NAALADL2: variants seen among roughly 807,000 people sequenced by gnomAD.
NAALADL2 encodes N-acetylated alpha-linked acidic dipeptidase like 2.
In NAALADL2, 76 loss-of-function variants were observed where a neutral mutation model predicts 87.2. That is an observed-to-expected ratio of 0.87 (90% CI 0.72 to 1.05). The LOEUF is 1.05. Among genes scored for constraint, NAALADL2 ranks in the 50% least tolerant of loss-of-function variants. The probability of loss-of-function intolerance (pLI) is 0.00; values close to 1 mark genes in which losing one functional copy is unlikely to be tolerated. For synonymous variants in NAALADL2, 354 were observed against 331.0 expected, an observed-to-expected ratio of 1.07 and a Z score of -0.75; for missense variants, 1,089 against 945.8, an observed-to-expected ratio of 1.15 and a Z score of -1.99.
At chr3:174,879,909 G>C (rs1478468461) in intron 1 of NAALADL2, among the ~76,000 whole-genome samples, 1 of 151,886 alleles carries the variant, frequency 6.6e-6, no homozygotes, top group Non-Finnish European at 1.5e-5. Flanking sequence ...CTTGATCTAT[G>C]AGCAACACTT....
chr3:174,533,496 G>A (rs1304685639), intron 1 of NAALADL2, among the ~76,000 whole-genome samples: 1 of 152,022 alleles, frequency 6.6e-6, no homozygotes, highest in Non-Finnish European at 1.5e-5. Flanking sequence ...CATCCAGCAA[G>A]GGTAGTCTAG....
intron 2 of NAALADL2, among the ~76,000 whole-genome samples, chr3:175,233,468 G>A (rs971635154): frequency 6.6e-6 from 1 of 152,076 alleles, no homozygotes; most frequent in Non-Finnish European, 1.5e-5. Flanking sequence ...TTTGGAGAGA[G>A]TCTCACTCTG....
At chr3:174,656,982 T>TCTCCCTC (rs1553810620) in intron 2 of NAALADL2, among the ~76,000 whole-genome samples, 1 of 151,368 alleles carries the variant, frequency 6.6e-6, no homozygotes, top group Non-Finnish European at 1.5e-5. Flanking sequence ...GGGCTTCCCT[T>TCTCCCTC]CTCCCTCCCT....
intron 9 of NAALADL2, among the ~76,000 whole-genome samples, chr3:175,495,095 T>A (rs1008879222): frequency 1.8e-3 from 242 of 138,204 alleles, no homozygotes; most frequent in South Asian, 4.3e-3. Flanking sequence ...TATATATATT[T>A]TTTTTTAATT....
intron 4 of NAALADL2, among the ~76,000 whole-genome samples, chr3:175,267,932 A>G (rs1335770723): frequency 1.3e-5 from 2 of 152,184 alleles, no homozygotes; most frequent in African/African-American, 2.4e-5. Context: ...TGTTGTCTTC[A>G]TATCACCTAG....
chr3:175,025,546 C>T (rs566997949), intron 1 of NAALADL2, among the ~76,000 whole-genome samples: 8 of 152,168 alleles, frequency 5.3e-5, no homozygotes, highest in African/African-American at 1.2e-4. Context: ...ATTTTGGCAA[C>T]GGCTATTGTT....
chr3:174,604,621 C>G (rs551327130), intron 2 of NAALADL2, among the ~76,000 whole-genome samples: 10 of 129,794 alleles, frequency 7.7e-5, no homozygotes, highest in African/African-American at 2.3e-4. Context: ...TATTCATTTT[C>G]TGTTGTGTGT....
intron 10 of NAALADL2, among the ~76,000 whole-genome samples, chr3:175,593,086 T>C (rs954629229): frequency 5.9e-5 from 9 of 151,898 alleles, no homozygotes; most frequent in Admixed American, 5.3e-4. Flanking sequence ...ACCATGATGG[T>C]TTGCTGCACC....
chr3:174,775,861 G>A (rs1378966636), intron 3 of NAALADL2, among the ~76,000 whole-genome samples: 2 of 152,128 alleles, frequency 1.3e-5, no homozygotes, highest in Non-Finnish European at 2.9e-5. Context: ...CTTGCAGCTG[G>A]ACACGAAGTC....
intron 5 of NAALADL2, among the ~76,000 whole-genome samples, chr3:175,408,308 G>A (rs1560503687): frequency 6.6e-6 from 1 of 151,928 alleles, no homozygotes; most frequent in Non-Finnish European, 1.5e-5. Context: ...AAGTTAGTGA[G>A]GTGATGAATA....
intron 5 of NAALADL2, among the ~76,000 whole-genome samples, chr3:175,338,657 ACAC>A (rs1337152252): frequency 0.026 from 3,876 of 147,474 alleles, 166 homozygotes; most frequent in African/African-American, 0.085. Flanking sequence ...ACACACACAC[ACAC>A]ACAAACAAAC....
At chr3:174,835,430 C>T (rs1020899808) in intron 3 of NAALADL2, among the ~76,000 whole-genome samples, 4 of 152,008 alleles carry the variant, frequency 2.6e-5, no homozygotes, top group Admixed American at 6.6e-5. Flanking sequence ...GAAATGCCTT[C>T]TGACATTGGA....
chr3:174,528,025 C>T (rs527284703), intron 1 of NAALADL2, among the ~76,000 whole-genome samples: 65 of 152,078 alleles, frequency 4.3e-4, no homozygotes, highest in Non-Finnish European at 8.5e-4. Context: ...CTTCATATTC[C>T]GACAGCAGAC....
chr3:175,040,459 A>T (rs1753932381), intron 1 of NAALADL2, among the ~76,000 whole-genome samples: 1 of 152,174 alleles, frequency 6.6e-6, no homozygotes, highest in South Asian at 2.1e-4. Flanking sequence ...CTTGTGGTAG[A>T]AAACTTACGG....
chr3:175,133,087 C>T (rs1261960834), intron 2 of NAALADL2, among the ~76,000 whole-genome samples: 5 of 144,572 alleles, frequency 3.5e-5, no homozygotes, highest in Admixed American at 6.8e-5. Flanking sequence ...CCAGACGGGG[C>T]GGCGGGGCAG....
intron 2 of NAALADL2, among the ~76,000 whole-genome samples, chr3:174,710,027 A>G (rs924956071): frequency 6.6e-6 from 1 of 152,168 alleles, no homozygotes; most frequent in Non-Finnish European, 1.5e-5. Flanking sequence ...AAGTGAATGT[A>G]TTGGCTTATA....
At chr3:175,186,051 A>T (rs946556068) in intron 2 of NAALADL2, among the ~76,000 whole-genome samples, 4 of 152,002 alleles carry the variant, frequency 2.6e-5, no homozygotes, top group African/African-American at 9.7e-5. Flanking sequence ...TTCCAACCTA[A>T]TTGCTTAACA....
chr3:175,133,695 A>C (rs535545073), intron 2 of NAALADL2, among the ~76,000 whole-genome samples: 1 of 152,164 alleles, frequency 6.6e-6, no homozygotes, highest in Non-Finnish European at 1.5e-5. Flanking sequence ...TCGGCTTGGC[A>C]TCAGAGGGAG....
At chr3:175,461,888 C>T (rs1723185669) in intron 6 of NAALADL2, among the ~76,000 whole-genome samples, 1 of 152,112 alleles carries the variant, frequency 6.6e-6, no homozygotes, top group East Asian at 1.9e-4. Context: ...CTTGAAAAGG[C>T]AGAACTATGA....
Sources: allele counts gnomAD v4.1 joint callset (sites outside exome capture counted in the v4.1 genomes callset), GRCh38; gene constraint gnomAD v4.1.1; transcripts MANE v1.5; gene names NCBI Gene and HGNC (gene_info 2026-07-23, HGNC 2026-07-21).